The following KANSL2 variants were observed in gnomAD, a reference collection of about 807,000 sequenced individuals.
The protein encoded by KANSL2 is NSL complex protein NSL2.
Under a neutral mutation model 55.6 loss-of-function variants are expected in KANSL2, and 34 were observed. The ratio of observed to expected loss-of-function variants is 0.61; its 90% CI spans 0.46 to 0.81. The LOEUF is 0.81. Ranked by LOEUF, KANSL2 falls within the 40% of genes least tolerant of loss-of-function variation. The pLI, the probability that KANSL2 is intolerant of heterozygous loss-of-function variation, is 0.00. For synonymous variants in KANSL2, 209 were observed against 214.3 expected (o/e 0.98, Z 0.22); for missense variants, 502 against 609.9 (o/e 0.82, Z 1.86).
intron 2 of KANSL2, among the ~76,000 whole-genome samples, chr12:48,680,980 G>GAC (rs1939914121): frequency 1.3e-5 from 2 of 150,904 alleles, no homozygotes; most frequent in Non-Finnish European, 3.0e-5. Flanking sequence ...CCGCCCCCCC[G>GAC]CCAAAAAATT....
intron 7 of KANSL2, chr12:48,662,530 G>A: frequency 1.4e-5 from 17 of 1,250,494 alleles, no homozygotes; most frequent in Non-Finnish European, 1.6e-5. Flanking sequence ...TGGGGCAAAA[G>A]AGGTAAAAAG....
intron 7 of KANSL2, among the ~76,000 whole-genome samples, chr12:48,666,221 A>T (rs1279415464): frequency 6.6e-6 from 1 of 152,094 alleles, no homozygotes; most frequent in Non-Finnish European, 1.5e-5. Flanking sequence ...AAAAAAATTA[A>T]AAAAAGAAAA....
intron 7 of KANSL2, among the ~76,000 whole-genome samples, chr12:48,666,383 T>G (rs973040740): frequency 8.8e-5 from 13 of 148,454 alleles, no homozygotes; most frequent in Admixed American, 7.4e-4. Flanking sequence ...GAAAATTGAC[T>G]CTACAAAAAA....
intron 7 of KANSL2, among the ~76,000 whole-genome samples, chr12:48,662,036 A>G (rs1255065213): frequency 6.6e-6 from 1 of 152,248 alleles, no homozygotes; most frequent in Non-Finnish European, 1.5e-5. Context: ...CGCTTAAGAA[A>G]ATCTAAGCAA....
At chr12:48,677,298 C>A (rs923169776) in intron 4 of KANSL2, among the ~76,000 whole-genome samples, 4 of 152,144 alleles carry the variant, frequency 2.6e-5, no homozygotes, top group Admixed American at 6.5e-5. Context: ...GTTTATACAG[C>A]AGCCTCCTGT....
rs756965527 is a variant in KANSL2, at chr12:48,681,575, G to A, written c.58C>T (p.Pro20Ser). ...PTNRGRITPV[P>S]RSQEPLSCAF... is the part of the protein sequence containing the mutation. ...CAAGACAGAGGTTCCTGAGACCTGG[G>A]CACTGGAGTGATCCTCCCCCGATTG... The change falls in exon 2 of 10, where the codon CCC (proline) becomes TCC (serine). Residue 20 changes from proline to serine, a missense_variant. Physicochemically the swap from Pro to Ser is moderately conservative, Grantham distance 74 (BLOSUM62 -1). Coordinates refer to ENST00000420613, the MANE Select transcript of KANSL2 (RefSeq NM_017822.4). The A allele has an allele frequency of 6.8e-6, 11 of 1,613,860 alleles. No homozygotes were observed. In the Admixed American group the frequency reaches 1.8e-4, roughly 27 times the overall value.
Position 48,669,282 on chromosome 12 carries a change from C to T in KANSL2, c.710-10G>A, listed in dbSNP as rs181278640. 1.8e-5 allele frequency: 27 copies of T among 1,531,688 alleles called. 1 individual carries two copies. In the East Asian group the frequency reaches 4.6e-4, roughly 26 times the overall value. The allele number at this position is 1,531,688 out of a possible 1,614,324, so 94.9% of individuals were successfully genotyped here. ...GTCAGGAGACTACTGCCTAGAGTTA[C>T]AAGAGTCAAGATGTTATTTGCCAAG... On this transcript the variant is annotated splice_polypyrimidine_tract_variant and intron_variant, in intron 5 of 9. Coordinates refer to ENST00000420613, the MANE Select transcript of KANSL2 (RefSeq NM_017822.4).
intron 3 of KANSL2, 163 bp from the exon 4 acceptor site, chr12:48,679,313 A>C: frequency 1.5e-6 from 1 of 687,008 alleles, no homozygotes; most frequent in South Asian, 1.6e-5. Context: ...CGCTTTAAGA[A>C]AATACAACCC....
Position 48,681,465 on chromosome 12 carries a change from T to A in KANSL2, c.168A>T (p.Ala56=). ...CIKHILEDKN[A]PFKQCSYIST... is the part of the protein sequence containing the mutation. ...ATATATAACTACACTGCTTGAAGGG[T>A]GCATTCTTGTCTTCAAGGATATGCT... Residue 56 remains alanine (A), a synonymous_variant, in exon 2 of 10, where the codon GCA becomes GCT. Transcript: ENST00000420613. The A allele has an allele frequency of 5.0e-6, 8 of 1,613,918 alleles. No individual in the cohort carries two copies. The highest frequency in any genetic ancestry group is 6.8e-6 in the Non-Finnish European group (8 of 1,179,862).
intron 7 of KANSL2, chr12:48,662,693 A>G (rs1486383324): frequency 2.4e-6 from 3 of 1,268,852 alleles, no homozygotes; most frequent in Non-Finnish European, 3.1e-6. Context: ...TGACTTAGGC[A>G]ACTATGGAGT....
chr12:48,666,552 G>C (rs927693777), intron 7 of KANSL2, among the ~76,000 whole-genome samples: 3 of 151,846 alleles, frequency 2.0e-5, no homozygotes, highest in African/African-American at 4.8e-5. Flanking sequence ...AATTAGCCAG[G>C]CGTGGTGGCA....
chr12:48,654,123 G>A lies in KANSL2; in HGVS notation c.1400C>T (p.Ser467Phe). The A allele has an allele frequency of 1.2e-6, 2 of 1,613,258 alleles. No individual in the cohort carries two copies. Among genetic ancestry groups the A allele is most frequent in the Non-Finnish European group, 1.7e-6 (2 of 1,179,532 alleles). Residue 467 changes from serine to phenylalanine, a missense_variant, in exon 10 of 10, where the codon TCT becomes TTT. Ser to Phe is a radical substitution (Grantham distance 155). Transcript: ENST00000420613. ...AGACAATGGTGCAGAGGCTTTCTCA[G>A]AATTTCGAGATCCCTGGGATCTGCA... ...DGCRSQGSRN[S>F]EKASAPLSQS...
intron 3 of KANSL2, among the ~76,000 whole-genome samples, 196 bp downstream of exon 3, chr12:48,679,459 A>C (rs764688941): frequency 1.3e-5 from 2 of 152,216 alleles, no homozygotes; most frequent in Non-Finnish European, 2.9e-5. Context: ...ATGGTCACCA[A>C]CTCAGGAAAG....
intron 4 of KANSL2, among the ~76,000 whole-genome samples, chr12:48,677,514 G>A (rs942007277): frequency 6.6e-6 from 1 of 152,154 alleles, no homozygotes; most frequent in African/African-American, 2.4e-5. Flanking sequence ...GGGCCTGATG[G>A]CTCATGCCTG....
intron 8 of KANSL2, among the ~76,000 whole-genome samples, chr12:48,658,021 A>G (rs1409140659): frequency 6.6e-6 from 1 of 152,102 alleles, no homozygotes; most frequent in Non-Finnish European, 1.5e-5. Context: ...ACTTGAGGCC[A>G]GGAGCTTGAG....
intron 4 of KANSL2, among the ~76,000 whole-genome samples, chr12:48,674,508 T>C (rs145839064): frequency 0.016 from 2,490 of 152,316 alleles, 29 homozygotes; most frequent in Non-Finnish European, 0.024. Context: ...ATATACAAAA[T>C]TAACTTTAGG....
intron 7 of KANSL2, 76 bp downstream of exon 7, chr12:48,667,617 A>G: frequency 8.4e-7 from 1 of 1,191,484 alleles, no homozygotes; most frequent in Non-Finnish European, 1.3e-6. Context: ...CCTTCAATTA[A>G]GCAAACTAGC....
intron 4 of KANSL2, among the ~76,000 whole-genome samples, chr12:48,674,005 T>C (rs1330604972): frequency 6.6e-6 from 1 of 152,084 alleles, no homozygotes; most frequent in Non-Finnish European, 1.5e-5. Context: ...TTTAAAAATT[T>C]TGTTTCACTC....
intron 2 of KANSL2, 107 bp downstream of exon 2, chr12:48,681,275 A>C (rs1000091379): frequency 7.3e-7 from 1 of 1,362,070 alleles, no homozygotes; most frequent in Admixed American, 2.7e-5. Context: ...CATAACCCCA[A>C]ATTTACAAGG....
Sources: gnomAD v4.1 joint callset for allele counts (sites outside exome capture counted in the v4.1 genomes callset) on GRCh38, gnomAD v4.1.1 for gene constraint, MANE v1.5 for transcripts, NCBI Gene and HGNC (gene_info 2026-07-23, HGNC 2026-07-21) for gene names.